The following AKR1C8 variants were observed in gnomAD, a reference collection of about 807,000 sequenced individuals.
AKR1C8 encodes the protein aldo-keto reductase family 1 member C-like protein 1.
At chr10:5,175,249 G>C in the AKR1C8 span, among the ~76,000 whole-genome samples, 1 of 151,672 alleles carries the variant, frequency 6.6e-6, no homozygotes. Flanking sequence ...CCTTGCGATA[G>C]TTTACTGAGA....
chr10:5,161,441 G>A, the AKR1C8 span, among the ~76,000 whole-genome samples: 1 of 152,166 alleles, frequency 6.6e-6, no homozygotes. Flanking sequence ...CTTTTGTTGG[G>A]CTGAAGGGTA....
At chr10:5,167,502 G>A in the AKR1C8 span, among the ~76,000 whole-genome samples, 1 of 152,152 alleles carries the variant, frequency 6.6e-6, no homozygotes, top group Non-Finnish European at 1.5e-5. Flanking sequence ...GATGAAGCTG[G>A]AAACTATCAT....
chr10:5,137,936 T>C, the AKR1C8 span, among the ~76,000 whole-genome samples: 1,056 of 152,060 alleles, frequency 6.9e-3, 7 homozygotes, highest in Admixed American at 0.01. Flanking sequence ...AAAGCAGAAC[T>C]ACTAATAAGG....
chr10:5,179,544 A>C, the AKR1C8 span, among the ~76,000 whole-genome samples: 2 of 151,968 alleles, frequency 1.3e-5, no homozygotes, highest in Non-Finnish European at 2.9e-5. Context: ...AGATTGGAGA[A>C]GTTCTCCTGG....
the AKR1C8 span, among the ~76,000 whole-genome samples, chr10:5,127,102 C>T: frequency 2.6e-5 from 4 of 151,946 alleles, no homozygotes; most frequent in African/African-American, 9.7e-5. Context: ...AGCTCCCCAG[C>T]AATAAATCCA....
chr10:5,141,367 G>C, the AKR1C8 span, among the ~76,000 whole-genome samples: 2 of 152,062 alleles, frequency 1.3e-5, no homozygotes, highest in South Asian at 2.1e-4. Flanking sequence ...TCATCCATGA[G>C]AGTTGTAATT....
the AKR1C8 span, among the ~76,000 whole-genome samples, chr10:5,163,862 G>A: frequency 0.26 from 38,899 of 149,894 alleles, 6,251 homozygotes; most frequent in Non-Finnish European, 0.36. Context: ...ACATAAAAAC[G>A]CCTTTGTCCT....
the AKR1C8 span, chr10:5,162,702 T>A: frequency 2.8e-6 from 1 of 354,584 alleles, no homozygotes; most frequent in Non-Finnish European, 5.7e-6. Context: ...AGTAAAATAT[T>A]TCAGAGTAAG....
At chr10:5,146,826 G>A in the AKR1C8 span, among the ~76,000 whole-genome samples, 1 of 152,084 alleles carries the variant, frequency 6.6e-6, no homozygotes, top group South Asian at 2.1e-4. Context: ...TGTCTAGAAG[G>A]GTTATCTTCT....
the AKR1C8 span, among the ~76,000 whole-genome samples, chr10:5,164,330 T>A: frequency 6.6e-6 from 1 of 152,008 alleles, no homozygotes; most frequent in African/African-American, 2.4e-5. Context: ...CTCTCTACTA[T>A]AGAGAGCTTT....
At chr10:5,133,008 A>C in the AKR1C8 span, among the ~76,000 whole-genome samples, 1 of 152,174 alleles carries the variant, frequency 6.6e-6, no homozygotes, top group South Asian at 2.1e-4. Context: ...TGAGTTTCCC[A>C]AGAACAACCT....
At chr10:5,151,978 T>G in the AKR1C8 span, among the ~76,000 whole-genome samples, 4,807 of 152,280 alleles carry the variant, frequency 0.032, 259 homozygotes, top group African/African-American at 0.11. Context: ...TGACCTCAAG[T>G]TGAGGTCTGT....
the AKR1C8 span, among the ~76,000 whole-genome samples, chr10:5,127,467 C>T: frequency 6.6e-6 from 1 of 152,054 alleles, no homozygotes; most frequent in East Asian, 1.9e-4. Context: ...ACCTGTAATC[C>T]CAGCACTTTG....
the AKR1C8 span, chr10:5,132,520 C>A: frequency 2.4e-6 from 3 of 1,246,014 alleles, no homozygotes; most frequent in Non-Finnish European, 2.1e-6. Flanking sequence ...ATTCACCCAC[C>A]TACAGATCCA....
the AKR1C8 span, among the ~76,000 whole-genome samples, chr10:5,145,107 T>C: frequency 6.6e-6 from 1 of 152,098 alleles, no homozygotes; most frequent in African/African-American, 2.4e-5. Flanking sequence ...TCAAAGGCCT[T>C]TTCTGCATCT....
the AKR1C8 span, among the ~76,000 whole-genome samples, chr10:5,177,505 G>A: frequency 1.3e-5 from 2 of 152,162 alleles, no homozygotes; most frequent in Admixed American, 6.5e-5. Flanking sequence ...AAATGAGTTA[G>A]GGAGGCTTCC....
At chr10:5,161,160 C>T in the AKR1C8 span, among the ~76,000 whole-genome samples, 1 of 152,140 alleles carries the variant, frequency 6.6e-6, no homozygotes, top group Admixed American at 6.5e-5. Flanking sequence ...AGAAAGATAA[C>T]TTCCAGGTTC....
chr10:5,131,319 A>C, the AKR1C8 span, among the ~76,000 whole-genome samples: 2 of 152,108 alleles, frequency 1.3e-5, no homozygotes, highest in African/African-American at 4.8e-5. Context: ...AAAAAACAAA[A>C]ATAAATAAAT....
At chr10:5,146,352 AAAG>A in the AKR1C8 span, among the ~76,000 whole-genome samples, 1 of 152,118 alleles carries the variant, frequency 6.6e-6, no homozygotes, top group Non-Finnish European at 1.5e-5. Flanking sequence ...TATAATAATA[AAAG>A]AAGAAAAAAA....
Sources: allele counts gnomAD v4.1 joint callset (sites outside exome capture counted in the v4.1 genomes callset), GRCh38; gene constraint gnomAD v4.1.1; transcripts MANE v1.5; gene names NCBI Gene and HGNC (gene_info 2026-07-23, HGNC 2026-07-21).